FREM1: variants seen among roughly 807,000 people sequenced by gnomAD.
FREM1 encodes FRAS1 related extracellular matrix 1, also known as FRAS1-related extracellular matrix protein 1.
Under a neutral mutation model 210.1 loss-of-function variants are expected in FREM1, and 220 were observed. That is an observed-to-expected ratio of 1.05 (90% CI 0.94 to 1.17). The LOEUF is 1.17. Among genes scored for constraint, FREM1 ranks in the 50% most tolerant of loss-of-function variants. FREM1 has a pLI of 0.00. For synonymous variants in FREM1, 1,189 were observed against 980.2 expected (o/e 1.21, Z -3.98); for missense variants, 3,454 against 2,675.5 (o/e 1.29, Z -6.42).
intron 22 of FREM1, among the ~76,000 whole-genome samples, chr9:14,792,303 C>CACACACACAGAG (rs369927789): frequency 7.3e-6 from 1 of 137,676 alleles, no homozygotes; most frequent in Non-Finnish European, 1.6e-5. Flanking sequence ...CACACACACA[C>CACACACACAGAG]AGAGAGAGAG....
chr9:14,882,280 C>T (rs1016764945), intron 1 of FREM1, among the ~76,000 whole-genome samples: 2 of 151,940 alleles, frequency 1.3e-5, no homozygotes, highest in African/African-American at 4.8e-5. Context: ...CATAGTAAAC[C>T]CTTAACTGAG....
At chr9:14,906,759 G>A (rs1258883092) in intron 1 of FREM1, among the ~76,000 whole-genome samples, 3 of 152,204 alleles carry the variant, frequency 2.0e-5, no homozygotes, top group Non-Finnish European at 2.9e-5. Flanking sequence ...AGAGAAGAGT[G>A]CACAGAGCAT....
intron 3 of FREM1, among the ~76,000 whole-genome samples, chr9:14,860,497 T>C (rs1829608730): frequency 1.4e-5 from 2 of 145,904 alleles, no homozygotes. Context: ...TTTAAATTTA[T>C]TTTTACTTTT....
intron 10 of FREM1, among the ~76,000 whole-genome samples, chr9:14,830,033 G>A (rs1020914637): frequency 3.9e-5 from 6 of 152,158 alleles, no homozygotes; most frequent in African/African-American, 1.4e-4. Flanking sequence ...AGGTACCTGG[G>A]GGGTGCATAT....
intron 24 of FREM1, among the ~76,000 whole-genome samples, chr9:14,776,542 A>G (rs1848607149): frequency 6.6e-6 from 1 of 152,350 alleles, no homozygotes; most frequent in East Asian, 1.9e-4. Context: ...AATGAGACTC[A>G]TCATACAAAT....
chr9:14,857,816 T>A, intron 4 of FREM1, 67 bp from the exon 5 acceptor site: 1 of 1,156,990 alleles, frequency 8.6e-7, no homozygotes, highest in Non-Finnish European at 1.2e-6. Flanking sequence ...TAGAAACCAG[T>A]ACTCCGTCCC....
Position 14,746,944 on chromosome 9 carries a change from TTTCCAGGCGATC to T in FREM1, c.6105_6116del (p.Ile2036_Lys2039del), listed in dbSNP as rs1842562291. Reference sequence around the variant, plus strand: ...CTACCTTGGTTTGGGGACTCCAGGCTTTCCAGGCGATCCCATTGCACTGATACAGCTTCTGGA... The same window carrying T: ...CTACCTTGGTTTGGGGACTCCAGGCTCCATTGCACTGATACAGCTTCTGGA... On this transcript the variant is annotated inframe_deletion, in exon 34 of 37. Transcript: ENST00000380880. 4 of 1,613,178 alleles carry T rather than the reference TTTCCAGGCGATC, an allele frequency of 2.5e-6. No individual in the cohort carries two copies. The highest frequency in any genetic ancestry group is 3.3e-5 in the Admixed American group (2 of 59,900).
intron 1 of FREM1, among the ~76,000 whole-genome samples, chr9:14,899,351 G>C (rs1049091102): frequency 5.3e-5 from 8 of 152,208 alleles, no homozygotes; most frequent in Non-Finnish European, 1.5e-5. Context: ...ATTAAGAAAA[G>C]CCAAACTTGA....
intron 1 of FREM1, among the ~76,000 whole-genome samples, chr9:14,906,709 G>T (rs1817755843): frequency 6.6e-6 from 1 of 152,182 alleles, no homozygotes; most frequent in South Asian, 2.1e-4. Context: ...ATGGCAGTGG[G>T]TGTGGGCTAA....
chr9:14,774,789 G>C (rs530665589), intron 25 of FREM1, among the ~76,000 whole-genome samples: 119 of 152,234 alleles, frequency 7.8e-4, no homozygotes, highest in African/African-American at 2.6e-3. Context: ...AACAAATGTG[G>C]CAGTGTAGTG....
chr9:14,844,668 T>A (rs1262332781), intron 8 of FREM1, among the ~76,000 whole-genome samples: 1 of 152,228 alleles, frequency 6.6e-6, no homozygotes, highest in Non-Finnish European at 1.5e-5. Context: ...ACCAGAATCC[T>A]AGTTGTATTT....
chr9:14,775,638 G>A, intron 25 of FREM1, 151 bp downstream of exon 25: 2 of 600,562 alleles, frequency 3.3e-6, no homozygotes, highest in Non-Finnish European at 5.8e-6. Context: ...AGCCCAGGAG[G>A]TGGAGATTGA....
At chr9:14,867,405 G>C (rs1831726008) in intron 2 of FREM1, among the ~76,000 whole-genome samples, 2 of 152,168 alleles carry the variant, frequency 1.3e-5, no homozygotes, top group Admixed American at 6.5e-5. Context: ...AATATGTGGA[G>C]CCATTGTTGA....
chr9:14,904,114 C>CAAA (rs35708320), intron 1 of FREM1, among the ~76,000 whole-genome samples: 35 of 71,648 alleles, frequency 4.9e-4, no homozygotes, highest in African/African-American at 1.3e-3. Flanking sequence ...GACTCCGTCT[C>CAAA]AAAAAAAAAA....
Position 14,861,314 on chromosome 9 carries a change from T to C in FREM1, c.330-1830A>G, listed in dbSNP as rs1335645012. ...ATATACATATATACACATATATACA[T>C]ATATACACATATATACATATATACA... On this transcript the variant is annotated intron_variant, in intron 3 of 36. Coordinates refer to ENST00000380880, the MANE Select transcript of FREM1 (RefSeq NM_001379081.2). Among the ~76,000 whole-genome samples the C allele has an allele frequency of 2.4e-4, 26 of 106,414 alleles. 5 individuals carry two copies. Among genetic ancestry groups the C allele is most frequent in the African/African-American group, 7.5e-4 (13 of 17,394 alleles). 69.8% of individuals were successfully genotyped at this position (106,414 alleles called of 152,430 possible).
At chr9:14,896,036 T>C (rs1837653152) in intron 1 of FREM1, among the ~76,000 whole-genome samples, 1 of 152,082 alleles carries the variant, frequency 6.6e-6, no homozygotes, top group Admixed American at 6.5e-5. Context: ...TTCTTACTCA[T>C]AGGATGAGAG....
intron 23 of FREM1, among the ~76,000 whole-genome samples, chr9:14,786,130 G>A (rs1485373866): frequency 6.6e-6 from 1 of 152,164 alleles, no homozygotes; most frequent in African/African-American, 2.4e-5. Context: ...CTAATCTTGT[G>A]AGGTATTGTC....
Position 14,851,564 on chromosome 9 carries a change from G to T in FREM1, c.872C>A (p.Pro291Gln), listed in dbSNP as rs746596765. Reference protein sequence around the residue: ...WLPVYIRAGIPNQIPKAAFMA... With the variant: ...WLPVYIRAGIQNQIPKAAFMA... ...GAATGCAGCCTTTGGAATCTGATTCGGAATTCCAGCTCTGATATAGACAGG... is the reference window on the plus strand; with the variant it reads ...GAATGCAGCCTTTGGAATCTGATTCTGAATTCCAGCTCTGATATAGACAGG... Residue 291 changes from proline to glutamine, a missense_variant, in exon 6 of 37, where the codon CCG (proline) becomes CAG (glutamine). Pro to Gln is a moderately conservative substitution (Grantham distance 76, BLOSUM62 -1). Transcript: ENST00000380880. The T allele has an allele frequency of 2.5e-6, 4 of 1,613,866 alleles. 1 individual carries two copies. The South Asian group carries it at 4.4e-5, about 18-fold the overall frequency.
intron 35 of FREM1, among the ~76,000 whole-genome samples, chr9:14,744,828 A>G (rs1842133376): frequency 6.6e-6 from 1 of 152,236 alleles, no homozygotes; most frequent in Non-Finnish European, 1.5e-5. Flanking sequence ...AGACAGTTCT[A>G]CAAAGTGATT....
Sources: allele counts gnomAD v4.1 joint callset (sites outside exome capture counted in the v4.1 genomes callset), GRCh38; gene constraint gnomAD v4.1.1; transcripts MANE v1.5; gene names NCBI Gene and HGNC (gene_info 2026-07-23, HGNC 2026-07-21).